Variants in HSPA4L observed in about 807,000 individuals in gnomAD.
HSPA4L encodes heat shock 70 kDa protein 4L.
Under a neutral mutation model 100.3 loss-of-function variants are expected in HSPA4L, and 48 were observed. That is an observed-to-expected ratio of 0.48 (90% CI 0.38 to 0.61). HSPA4L has a LOEUF of 0.61. Ranked by LOEUF, HSPA4L falls within the 20% of genes least tolerant of loss-of-function variation. The pLI is 0.00. For synonymous variants in HSPA4L, 319 were observed against 328.2 expected (o/e 0.97, Z 0.30); for missense variants, 886 against 988.6 (o/e 0.90, Z 1.39).
intron 11 of HSPA4L, 52 bp from the exon 12 acceptor site, chr4:127,811,385 G>T: frequency 7.4e-7 from 1 of 1,342,868 alleles, no homozygotes. Context: ...TCAATGAATT[G>T]AATAAGTTAA....
Position 127,805,246 on chromosome 4 carries a change from T to G in HSPA4L, c.1137+22T>G, listed in dbSNP as rs753784023. The G allele has an allele frequency of 1.8e-5, 28 of 1,569,066 alleles. No individual in the cohort carries two copies. The South Asian group carries it at 2.9e-4, about 16-fold the overall frequency. ...ACAGGTATAATTGTTATTTTATTTT[T>G]TAGAATATGTATTTTGCCAGAAATG... On this transcript the variant is annotated intron_variant, in intron 9 of 18. Transcript: ENST00000296464.
At position 127,837,255 on chromosome 4, in the gene HSPA4L, T is replaced by A. The variant is rs1010618354; in HGVS notation, c.*4381T>A. On this transcript the variant is annotated 3_prime_UTR_variant, in exon 19 of 19. Coordinates refer to ENST00000296464, the MANE Select transcript of HSPA4L (RefSeq NM_014278.4). ...GTGAGCCACCATACCCGGCCAAAAA[T>A]TTTTGCTTTTAAAGTTAATGTTATT... is the stretch of plus-strand genomic sequence containing the variant. 5 of 152,118 alleles carry A rather than the reference T, an allele frequency of 3.3e-5. No individual in the cohort carries two copies. The highest frequency in any genetic ancestry group is 2.0e-4 in the Admixed American group (3 of 15,260). 9.4% of individuals were successfully genotyped at this position (152,118 alleles called of 1,614,324 possible). A position where few individuals can be genotyped will look rare whatever the true frequency, so the allele number is the denominator to read the frequency against.
At position 127,801,118 on chromosome 4, in the gene HSPA4L, C is replaced by A; in HGVS notation, c.430-20C>A. 6.5e-7 allele frequency: 1 copy of A among 1,543,830 alleles called. No homozygotes were observed. Among genetic ancestry groups the A allele is most frequent in the South Asian group, 1.1e-5 (1 of 87,318 alleles). On this transcript the variant is annotated intron_variant, in intron 4 of 18. Coordinates refer to ENST00000296464, the MANE Select transcript of HSPA4L (RefSeq NM_014278.4). ...TGTTTACATAAAACATTATACTTAA[C>A]TGTTGTTTTTAAATACTAGATTCCT... is the stretch of plus-strand genomic sequence containing the variant.
In HSPA4L at chr4:127,808,067, C is replaced by G. The variant is rs1400263832; in HGVS notation, c.1316C>G (p.Pro439Arg). The change falls in exon 11 of 19, where the codon CCA (proline) becomes CGA (arginine). Residue 439 changes from proline to arginine, a missense_variant. Physicochemically the swap from Pro to Arg is moderately radical, Grantham distance 103 (BLOSUM62 -2). Transcript: ENST00000296464. ...GTCATTACTTTCCACAAGAAGGAACCATTTGAACTAGAAGCATTTTATACT... is the reference window on the plus strand; with the variant it reads ...GTCATTACTTTCCACAAGAAGGAACGATTTGAACTAGAAGCATTTTATACT... ...SKVITFHKKE[P>R]FELEAFYTNL... 1 of 1,612,024 alleles carries G rather than the reference C, an allele frequency of 6.2e-7. No individual in the cohort carries two copies. The highest frequency in any genetic ancestry group is 2.2e-5 in the East Asian group (1 of 44,770).
chr4:127,817,383 A>G (rs1156990070), intron 12 of HSPA4L, among the ~76,000 whole-genome samples: 1 of 152,184 alleles, frequency 6.6e-6, no homozygotes, highest in Non-Finnish European at 1.5e-5. Context: ...TGGCAGAAAT[A>G]AGCTTTTATT....
chr4:127,805,257 A>AT, intron 9 of HSPA4L, 33 bp downstream of exon 9: 1 of 1,545,754 alleles, frequency 6.5e-7, no homozygotes, highest in Non-Finnish European at 8.8e-7. Context: ...TAGAATATGT[A>AT]TTTTGCCAGA....
At chr4:127,809,455 T>C (rs1733465824) in intron 11 of HSPA4L, 1 of 1,192,602 alleles carries the variant, frequency 8.4e-7, no homozygotes, top group Non-Finnish European at 1.3e-6. Context: ...CTTCCTGTTT[T>C]ACCTCGCCTT....
At chr4:127,807,908 A>G in intron 10 of HSPA4L, 88 bp from the exon 11 acceptor site, 2 of 1,311,716 alleles carry the variant, frequency 1.5e-6, no homozygotes, top group East Asian at 2.4e-5. Flanking sequence ...AGTTGCTGCT[A>G]ATGAATTAAG....
chr4:127,832,629 A>G (rs1734111256), intron 18 of HSPA4L, 54 bp from the exon 19 acceptor site: 4 of 1,380,880 alleles, frequency 2.9e-6, no homozygotes, highest in East Asian at 4.7e-5. Context: ...TAGAAAGTTA[A>G]TGGTAACTTG....
intron 11 of HSPA4L, among the ~76,000 whole-genome samples, chr4:127,810,096 A>T (rs1464314911): frequency 6.6e-6 from 1 of 152,210 alleles, no homozygotes; most frequent in Non-Finnish European, 1.5e-5. Context: ...CATCTTCTAT[A>T]AACATCATTA....
intron 10 of HSPA4L, among the ~76,000 whole-genome samples, chr4:127,807,285 T>C (rs1733386137): frequency 6.6e-6 from 1 of 151,896 alleles, no homozygotes; most frequent in African/African-American, 2.4e-5. Context: ...GGAATAGGAA[T>C]TGCTATGTAG....
chr4:127,827,425 G>A lies in HSPA4L; in HGVS notation c.2166+1G>A. 1.2e-6 allele frequency: 2 copies of A among 1,613,538 alleles called. No homozygotes were observed. The highest frequency in any genetic ancestry group is 1.7e-6 in the Non-Finnish European group (2 of 1,179,640). ...AGTGATAGAAGCTTATAGAAACAAGGTATTGAATTCATAAAGCCAATTGGT... is the reference window on the plus strand; with the variant it reads ...AGTGATAGAAGCTTATAGAAACAAGATATTGAATTCATAAAGCCAATTGGT... On this transcript the variant is annotated splice_donor_variant, in intron 17 of 18. Transcript: ENST00000296464. LOFTEE classifies it high-confidence loss of function.
Position 127,811,544 on chromosome 4 carries a change from T to C in HSPA4L, c.1486T>C (p.Ser496Pro), listed in dbSNP as rs1478092986. The C allele has an allele frequency of 6.2e-7, 1 of 1,613,958 alleles. No individual in the cohort carries two copies. Among genetic ancestry groups the C allele is most frequent in the South Asian group, 1.1e-5 (1 of 91,076 alleles). Residue 496 changes from serine (S) to proline (P), a missense_variant, in exon 12 of 19, where the codon TCA becomes CCA. By Grantham distance (74) the Ser-to-Pro change is moderately conservative. Transcript: ENST00000296464. ...TGGAATCTTCAGTGTGGCTAGCGCA[T>C]CAGTAATTGAGAAGCAAAATTTGGA... ...IHGIFSVASA[S>P]VIEKQNLEGD...
At chr4:127,808,495 T>C (rs530756248) in intron 11 of HSPA4L, among the ~76,000 whole-genome samples, 7 of 152,272 alleles carry the variant, frequency 4.6e-5, no homozygotes, top group African/African-American at 1.4e-4. Flanking sequence ...AGAGATGATA[T>C]AGACTTAAGA....
intron 16 of HSPA4L, among the ~76,000 whole-genome samples, chr4:127,824,259 TTGAG>T (rs1733888339): frequency 6.6e-6 from 1 of 152,204 alleles, no homozygotes; most frequent in South Asian, 2.1e-4. Flanking sequence ...GACACTTAGA[TTGAG>T]TCTCTATTTT....
intron 12 of HSPA4L, chr4:127,813,374 T>G (rs922577789): frequency 1.2e-4 from 68 of 551,892 alleles, no homozygotes; most frequent in Non-Finnish European, 1.9e-4. Flanking sequence ...ACTACTTCAT[T>G]TAAGGACTGT....
chr4:127,793,337 TC>T (rs1257761881), intron 1 of HSPA4L, among the ~76,000 whole-genome samples: 2 of 152,204 alleles, frequency 1.3e-5, no homozygotes, highest in African/African-American at 4.8e-5. Flanking sequence ...TGATTTTTTT[TC>T]AATAGACTAT....
Position 127,805,155 on chromosome 4 carries a change from A to G in HSPA4L, c.1068A>G (p.Lys356=). ...RIPAVKEQIT[K]FFLKDISTTL... ...CTGCAGTGAAAGAACAAATCACTAA[A>G]TTCTTTCTTAAAGACATAAGTACCA... Residue 356 remains lysine (K), a synonymous_variant, in exon 9 of 19, where the codon AAA becomes AAG. Coordinates refer to ENST00000296464, the MANE Select transcript of HSPA4L (RefSeq NM_014278.4). The G allele has an allele frequency of 6.2e-7, 1 of 1,611,412 alleles. No individual in the cohort carries two copies. Among genetic ancestry groups the G allele is most frequent in the African/African-American group, 1.3e-5 (1 of 75,004 alleles).
rs142964740 is a variant in HSPA4L, at chr4:127,804,142, G to A, written c.985+55G>A. On this transcript the variant is annotated intron_variant, in intron 8 of 18. Coordinates refer to ENST00000296464, the MANE Select transcript of HSPA4L (RefSeq NM_014278.4). ...TGTACCATAATGTTGCCTACTTAGC[G>A]GGGGTAGATAATGATAAAATAAATT... The A allele has an allele frequency of 3.2e-4, 417 of 1,317,472 alleles. 1 individual carries two copies. In the African/African-American group the frequency reaches 5.0e-3, roughly 16 times the overall value. The allele number at this position is 1,317,472 out of a possible 1,614,324, so 81.6% of individuals were successfully genotyped here.
Sources: gnomAD v4.1 joint callset for allele counts (sites outside exome capture counted in the v4.1 genomes callset) on GRCh38, gnomAD v4.1.1 for gene constraint, MANE v1.5 for transcripts, NCBI Gene and HGNC (gene_info 2026-07-23, HGNC 2026-07-21) for gene names.